The following DOCK8 variants were observed in gnomAD, a reference collection of about 807,000 sequenced individuals.
DOCK8 encodes dedicator of cytokinesis 8.
DOCK8 carries 141 observed loss-of-function variants against 245.6 expected under a neutral mutation model. That is an observed-to-expected ratio of 0.57 (90% CI 0.50 to 0.66). The LOEUF (loss-of-function observed/expected upper bound fraction) is 0.66, where lower values mean the gene tolerates loss of function less well. Among genes scored for constraint, DOCK8 ranks in the 30% least tolerant of loss-of-function variants. The probability of loss-of-function intolerance (pLI) is 0.00; values close to 1 mark genes in which losing one functional copy is unlikely to be tolerated. For missense variants in DOCK8, 2,965 were observed against 2,603.4 expected, an observed-to-expected ratio of 1.14 and a Z score of -3.02; for synonymous variants, 1,168 against 970.2, an observed-to-expected ratio of 1.20 and a Z score of -3.79.
chr9:340,120 C>G (rs1177720318), intron 13 of DOCK8, 39 bp from the exon 14 acceptor site: 1 of 1,600,390 alleles, frequency 6.2e-7, no homozygotes, highest in Non-Finnish European at 8.6e-7. Context: ...CATAACATGA[C>G]AGTTTCTTTA....
intron 1 of DOCK8, among the ~76,000 whole-genome samples, chr9:262,554 TGAATG>T (rs1378401068): frequency 2.0e-5 from 3 of 150,770 alleles, no homozygotes; most frequent in South Asian, 2.1e-4. Context: ...ATGATTCTGT[TGAATG>T]GAAGAAGCCA....
chr9:444,976 C>T (rs2131833306), intron 43 of DOCK8, among the ~76,000 whole-genome samples: 1 of 152,344 alleles, frequency 6.6e-6, no homozygotes, highest in East Asian at 1.9e-4. Flanking sequence ...TCCAAACTCC[C>T]AGTTCCATCT....
chr9:421,184 T>C, intron 32 of DOCK8, 106 bp downstream of exon 32: 5 of 1,471,070 alleles, frequency 3.4e-6, no homozygotes, highest in Non-Finnish European at 3.8e-6. Flanking sequence ...TCTTGAGATA[T>C]TTACGGTAGT....
intron 26 of DOCK8, among the ~76,000 whole-genome samples, chr9:400,916 TTCACCATCACCACAACATCCACCA>T (rs2055002015): frequency 5.0e-5 from 2 of 39,964 alleles, no homozygotes; most frequent in Non-Finnish European, 3.9e-5. Context: ...CAACAGCTCC[TTCACCATCACCACAACATCCACCA>T]CCACCATCAC....
At chr9:416,725 C>T (rs924654144) in intron 29 of DOCK8, among the ~76,000 whole-genome samples, 11 of 152,306 alleles carry the variant, frequency 7.2e-5, no homozygotes, top group African/African-American at 2.6e-4. Flanking sequence ...CCGTGCCTTC[C>T]TTTCCTCTGT....
chr9:293,697 G>A (rs1225211398), intron 4 of DOCK8, among the ~76,000 whole-genome samples: 1 of 152,234 alleles, frequency 6.6e-6, no homozygotes, highest in Non-Finnish European at 1.5e-5. Context: ...GTTCTGTCCA[G>A]ATTCAGGCAT....
rs138210003 is a variant in DOCK8 at position 406,968 on chromosome 9, C to T, written c.3429C>T (p.Ile1143=). 92 of 1,613,990 alleles carry T rather than the reference C, an allele frequency of 5.7e-5. 1 individual carries two copies. The Admixed American group carries it at 5.8e-4, about 10-fold the overall frequency. ...GCTCCAGCTTCCAGGACCAGAAGAT[C>T]GCCAGCATGTTCGATCTGACTTCCG... ...SSCSSFQDQK[I]ASMFDLTSEY... Residue 1143 remains isoleucine, a synonymous_variant, in exon 28 of 48, where the codon ATC becomes ATT. Transcript: ENST00000432829.
chr9:214,449 T>C, upstream of DOCK8: 1 of 1,564,656 alleles, frequency 6.4e-7, no homozygotes, highest in Non-Finnish European at 8.7e-7. Flanking sequence ...ACTAACTTTT[T>C]TGTCTTTTTT....
chr9:224,664 G>T (rs1324797658), intron 1 of DOCK8, among the ~76,000 whole-genome samples: 1 of 152,148 alleles, frequency 6.6e-6, no homozygotes, highest in South Asian at 2.1e-4. Flanking sequence ...TCAGCTTTCT[G>T]CTGTGTAATA....
At chr9:407,413 A>G (rs1358009222) in intron 28 of DOCK8, among the ~76,000 whole-genome samples, 1 of 152,240 alleles carries the variant, frequency 6.6e-6, no homozygotes, top group Non-Finnish European at 1.5e-5. Context: ...AGGGGATAGC[A>G]TGCAGAGGCA....
chr9:291,907 A>C (rs563419722), intron 4 of DOCK8, among the ~76,000 whole-genome samples: 1 of 151,504 alleles, frequency 6.6e-6, no homozygotes, highest in East Asian at 1.9e-4. Context: ...CCTCTAAAAA[A>C]ATTTTTTAAA....
chr9:256,911 G>A (rs2047789422), intron 1 of DOCK8, among the ~76,000 whole-genome samples: 1 of 152,122 alleles, frequency 6.6e-6, no homozygotes, highest in Non-Finnish European at 1.5e-5. Flanking sequence ...CAGACATCTG[G>A]GCTTATGTCT....
At chr9:426,216 G>A (rs886188076) in intron 33 of DOCK8, among the ~76,000 whole-genome samples, 3 of 152,120 alleles carry the variant, frequency 2.0e-5, no homozygotes, top group Non-Finnish European at 2.9e-5. Context: ...ATAGAGGAGC[G>A]AGCACCAGGC....
intron 44 of DOCK8, among the ~76,000 whole-genome samples, chr9:448,008 A>G (rs1355186758): frequency 9.4e-6 from 1 of 106,744 alleles, no homozygotes; most frequent in Non-Finnish European, 2.2e-5. Context: ...AAAGCATTTC[A>G]AAACCTTTTC....
At chr9:287,129 G>A (rs1336980511) in intron 3 of DOCK8, among the ~76,000 whole-genome samples, 1 of 152,156 alleles carries the variant, frequency 6.6e-6, no homozygotes, top group Non-Finnish European at 1.5e-5. Context: ...ACTATGTTCT[G>A]GGTACTGAGA....
At chr9:399,789 A>C (rs937646984) in intron 26 of DOCK8, among the ~76,000 whole-genome samples, 5 of 151,936 alleles carry the variant, frequency 3.3e-5, no homozygotes, top group Admixed American at 6.6e-5. Context: ...CAGATTTTTA[A>C]ATGGAATTAT....
At chr9:269,489 G>A (rs573890519) in intron 1 of DOCK8, among the ~76,000 whole-genome samples, 1 of 150,928 alleles carries the variant, frequency 6.6e-6, no homozygotes, top group South Asian at 2.1e-4. Flanking sequence ...CCATTTTTTG[G>A]CCTTTATGAA....
At chr9:325,575 T>C in intron 7 of DOCK8, 96 bp from the exon 8 acceptor site, 1 of 984,216 alleles carries the variant, frequency 1.0e-6, no homozygotes, top group Non-Finnish European at 1.6e-6. Context: ...GGGAAACTGC[T>C]CATATTTTTA....
chr9:464,122 C>G (rs1252067819), intron 47 of DOCK8, 37 bp from the exon 48 acceptor site: 1 of 1,563,916 alleles, frequency 6.4e-7, no homozygotes, highest in Non-Finnish European at 8.8e-7. Context: ...TCTGTACGCT[C>G]TCTTTCCCTC....
Sources: gnomAD v4.1 joint callset for allele counts (sites outside exome capture counted in the v4.1 genomes callset) on GRCh38, gnomAD v4.1.1 for gene constraint, MANE v1.5 for transcripts, NCBI Gene and HGNC (gene_info 2026-07-23, HGNC 2026-07-21) for gene names.